The following ERC2 variants were observed in gnomAD, a reference collection of about 807,000 sequenced individuals.
ERC2 encodes the protein ERC protein 2.
In ERC2, 42 loss-of-function variants were observed where a neutral mutation model predicts 114.8. That is an observed-to-expected ratio of 0.37 (90% CI 0.29 to 0.47). The LOEUF (loss-of-function observed/expected upper bound fraction) is 0.47. Ranked by LOEUF, ERC2 falls within the 20% of genes least tolerant of loss-of-function variation. The pLI, the probability that ERC2 is intolerant of heterozygous loss-of-function variation, is 0.99. For missense variants in ERC2, 939 were observed against 1,150.7 expected (o/e 0.82, Z 2.66); for synonymous variants, 454 against 425.5 (o/e 1.07, Z -0.82).
intron 15 of ERC2, among the ~76,000 whole-genome samples, chr3:55,706,114 G>C (rs1323102509): frequency 6.6e-6 from 1 of 152,248 alleles, no homozygotes; most frequent in African/African-American, 2.4e-5. Context: ...AAATCTGTGA[G>C]GGAAGGAGAT....
intron 3 of ERC2, among the ~76,000 whole-genome samples, chr3:56,261,098 T>C (rs540585544): frequency 6.6e-6 from 1 of 152,332 alleles, no homozygotes; most frequent in Admixed American, 6.5e-5. Context: ...AGCTCTCTGC[T>C]GCCTCCAGCC....
At chr3:55,782,115 C>T (rs535603484) in intron 14 of ERC2, among the ~76,000 whole-genome samples, 1 of 152,250 alleles carries the variant, frequency 6.6e-6, no homozygotes, top group Admixed American at 6.5e-5. Context: ...TGCTCTGAGA[C>T]ACTCAGGCTT....
chr3:56,277,338 C>T lies in ERC2; in HGVS notation c.1074+18681G>A, dbSNP rs112512385. Reference sequence around the variant, plus strand: ...GGGGAGGTGAAGGGGTATCTAAACTCCATCTCTTATAAATGCTTCCCAAAC... The same window carrying T: ...GGGGAGGTGAAGGGGTATCTAAACTTCATCTCTTATAAATGCTTCCCAAAC... On this transcript the variant is annotated intron_variant, in intron 3 of 17. Coordinates refer to ENST00000288221, the MANE Select transcript of ERC2 (RefSeq NM_015576.3). Among the ~76,000 whole-genome samples, 1,115 of 152,232 alleles carry T rather than the reference C, an allele frequency of 7.3e-3. 22 individuals are homozygous for T. Among genetic ancestry groups the T allele is most frequent in the African/African-American group, 0.026 (1,066 of 41,538 alleles).
intron 2 of ERC2, among the ~76,000 whole-genome samples, chr3:56,398,653 C>T (rs1179130459): frequency 2.0e-5 from 3 of 151,948 alleles, no homozygotes; most frequent in East Asian, 3.9e-4. Flanking sequence ...GAGACAGGCT[C>T]TCATTCTGTT....
At chr3:55,669,777 C>T (rs1289920057) in intron 17 of ERC2, among the ~76,000 whole-genome samples, 1 of 152,214 alleles carries the variant, frequency 6.6e-6, no homozygotes, top group East Asian at 1.9e-4. Context: ...TGGTGCATAG[C>T]ATGAAGTCTC....
intron 3 of ERC2, among the ~76,000 whole-genome samples, chr3:56,247,714 C>A (rs1026101317): frequency 1.3e-5 from 2 of 152,156 alleles, no homozygotes; most frequent in Non-Finnish European, 2.9e-5. Flanking sequence ...AAAGGAATGT[C>A]GGTGCATAAG....
At chr3:55,904,592 C>T (rs951796730) in intron 13 of ERC2, among the ~76,000 whole-genome samples, 16 of 151,988 alleles carry the variant, frequency 1.1e-4, no homozygotes, top group African/African-American at 3.9e-4. Flanking sequence ...TCTAGCAGAC[C>T]CAACCAAAAA....
chr3:56,054,553 G>T (rs1445172960), intron 7 of ERC2, among the ~76,000 whole-genome samples: 5 of 152,124 alleles, frequency 3.3e-5, no homozygotes, highest in African/African-American at 1.2e-4. Flanking sequence ...TGGGTACCTT[G>T]TCCCCCCTGC....
intron 3 of ERC2, among the ~76,000 whole-genome samples, chr3:56,179,698 C>G (rs1440668115): frequency 6.6e-6 from 1 of 151,336 alleles, no homozygotes; most frequent in East Asian, 2.0e-4. Flanking sequence ...GCCTGAACAA[C>G]AGGAAAAATG....
chr3:55,812,844 C>T (rs921496324), intron 14 of ERC2, among the ~76,000 whole-genome samples: 4 of 152,200 alleles, frequency 2.6e-5, no homozygotes, highest in Non-Finnish European at 2.9e-5. Context: ...TTTGTGTGTA[C>T]GTGTGTGCAT....
chr3:55,883,539 TACACAC>T (rs34468467), intron 14 of ERC2, among the ~76,000 whole-genome samples: 2,072 of 143,962 alleles, frequency 0.014, 40 homozygotes, highest in African/African-American at 0.05. Flanking sequence ...TAATTAAACA[TACACAC>T]ACACACACAC....
intron 13 of ERC2, among the ~76,000 whole-genome samples, chr3:55,900,694 C>A (rs1213315556): frequency 2.0e-5 from 3 of 152,198 alleles, no homozygotes; most frequent in African/African-American, 7.2e-5. Context: ...TCACCTTGCT[C>A]TTTTAAGCAC....
intron 7 of ERC2, among the ~76,000 whole-genome samples, chr3:56,051,742 C>T (rs982613835): frequency 6.6e-6 from 1 of 151,824 alleles, no homozygotes; most frequent in African/African-American, 2.4e-5. Flanking sequence ...AGCAGAATTG[C>T]TTGCACCCAG....
intron 17 of ERC2, among the ~76,000 whole-genome samples, chr3:55,513,156 G>C (rs1040403850): frequency 6.6e-6 from 1 of 152,128 alleles, no homozygotes; most frequent in African/African-American, 2.4e-5. Flanking sequence ...CAACAACAGC[G>C]CCATTTCAAT....
chr3:56,229,549 G>C (rs2050470231), intron 3 of ERC2, among the ~76,000 whole-genome samples: 1 of 152,086 alleles, frequency 6.6e-6, no homozygotes, highest in African/African-American at 2.4e-5. Flanking sequence ...AAGTCTGAAG[G>C]GGTTTTAGTC....
At chr3:55,845,285 A>G (rs1275154476) in intron 14 of ERC2, among the ~76,000 whole-genome samples, 1 of 152,162 alleles carries the variant, frequency 6.6e-6, no homozygotes, top group Non-Finnish European at 1.5e-5. Context: ...CGGGCGGATC[A>G]CGAGGTCAGG....
intron 15 of ERC2, among the ~76,000 whole-genome samples, chr3:55,704,402 C>A (rs180935040): frequency 6.6e-6 from 1 of 152,296 alleles, no homozygotes; most frequent in East Asian, 1.9e-4. Flanking sequence ...ATAATAAGAT[C>A]TGTTGCTATG....
Position 55,992,059 on chromosome 3 carries a change from C to T in ERC2, c.2253G>A (p.Glu751=). The T allele has an allele frequency of 6.2e-7, 1 of 1,612,894 alleles. No individual in the cohort carries two copies. The highest frequency in any genetic ancestry group is 8.5e-7 in the Non-Finnish European group (1 of 1,179,396). Residue 751 remains glutamate (E), a splice_region_variant and synonymous_variant, in exon 11 of 18, where the codon GAG becomes GAA. Coordinates refer to ENST00000288221, the MANE Select transcript of ERC2 (RefSeq NM_015576.3). ...ATTTATATAACTGTAAAATTTACCTCTCCAGTTCTGCGATCTTCTTGTCCT... is the reference window on the plus strand; with the variant it reads ...ATTTATATAACTGTAAAATTTACCTTTCCAGTTCTGCGATCTTCTTGTCCT... ...NDKDKKIAEL[E]SLTLRHMKDQ...
intron 7 of ERC2, among the ~76,000 whole-genome samples, chr3:56,046,415 C>A (rs974094340): frequency 4.6e-5 from 7 of 152,070 alleles, no homozygotes; most frequent in African/African-American, 1.7e-4. Context: ...GCATAGACAT[C>A]GGTGGTATTT....
Sources: allele counts gnomAD v4.1 joint callset (sites outside exome capture counted in the v4.1 genomes callset), GRCh38; gene constraint gnomAD v4.1.1; transcripts MANE v1.5; gene names NCBI Gene and HGNC (gene_info 2026-07-23, HGNC 2026-07-21).